Variants in RFC3 observed in about 807,000 individuals in gnomAD.
RFC3 encodes the protein replication factor C subunit 3.
A neutral mutation model predicts 45.1 loss-of-function variants in RFC3; 41 were observed. That is an observed-to-expected ratio of 0.91 (90% confidence interval 0.71 to 1.18). RFC3 has a LOEUF of 1.18. Ranked by LOEUF, RFC3 falls within the 50% of genes most tolerant of loss-of-function variation. RFC3 has a pLI of 0.00. For synonymous variants in RFC3, 149 were observed against 144.0 expected (o/e 1.03, Z -0.25); for missense variants, 423 against 428.1 (o/e 0.99, Z 0.10).
chr13:33,843,955 TCTC>T (rs990063790), intron 8 of RFC3, among the ~76,000 whole-genome samples: 4 of 152,216 alleles, frequency 2.6e-5, no homozygotes, highest in African/African-American at 9.6e-5. Context: ...CAACCTATAT[TCTC>T]CTAATACGGT....
chr13:33,885,928 T>G (rs1252377716), intron 8 of RFC3, among the ~76,000 whole-genome samples: 25 of 152,110 alleles, frequency 1.6e-4, no homozygotes, highest in Admixed American at 1.6e-3. Flanking sequence ...CATTCTCTCT[T>G]GCAACTAGTG....
chr13:33,943,572 A>T (rs1010406841), intron 8 of RFC3, among the ~76,000 whole-genome samples: 2 of 152,180 alleles, frequency 1.3e-5, no homozygotes, highest in African/African-American at 4.8e-5. Flanking sequence ...TATTGTGTGC[A>T]TGTGTTCAAA....
intron 8 of RFC3, among the ~76,000 whole-genome samples, chr13:33,861,289 T>A (rs1360770073): frequency 6.6e-6 from 1 of 152,192 alleles, no homozygotes; most frequent in Admixed American, 6.5e-5. Flanking sequence ...TAAAGTGATC[T>A]CTCTATTTTA....
intron 1 of RFC3, among the ~76,000 whole-genome samples, chr13:33,819,122 C>A (rs1423081435): frequency 6.6e-6 from 1 of 152,042 alleles, no homozygotes; most frequent in Non-Finnish European, 1.5e-5. Flanking sequence ...GAACTCCTGA[C>A]CTCAGGTGAT....
At chr13:33,886,704 T>C (rs954964183) in intron 8 of RFC3, among the ~76,000 whole-genome samples, 22 of 150,440 alleles carry the variant, frequency 1.5e-4, no homozygotes, top group African/African-American at 5.1e-4. Context: ...TACATATGTA[T>C]ACATGTGCCA....
chr13:33,969,369 G>A (rs1313281043), downstream of RFC3, among the ~76,000 whole-genome samples: 1 of 152,158 alleles, frequency 6.6e-6, no homozygotes, highest in African/African-American at 2.4e-5. Context: ...TTTCACCAGC[G>A]ATTTTCCTAC....
intron 8 of RFC3, among the ~76,000 whole-genome samples, chr13:33,925,517 G>A (rs917711856): frequency 7.0e-6 from 1 of 142,084 alleles, no homozygotes; most frequent in South Asian, 2.2e-4. Context: ...CATACATAGT[G>A]TACTATATAC....
At chr13:33,825,665 CTTATAA>C in intron 3 of RFC3, 118 bp from the exon 4 acceptor site, 2 of 451,098 alleles carry the variant, frequency 4.4e-6, no homozygotes, top group Non-Finnish European at 7.7e-6. Flanking sequence ...TTTTGAAGGG[CTTATAA>C]TTATAGTTAA....
intron 8 of RFC3, among the ~76,000 whole-genome samples, chr13:33,883,338 A>C (rs2082498255): frequency 6.6e-6 from 1 of 152,170 alleles, no homozygotes; most frequent in Non-Finnish European, 1.5e-5. Flanking sequence ...AATTTTTGTT[A>C]GTTTGCTTTT....
chr13:33,899,117 C>CA (rs1197671404), intron 8 of RFC3, among the ~76,000 whole-genome samples: 2 of 132,186 alleles, frequency 1.5e-5, no homozygotes, highest in Admixed American at 8.7e-5. Context: ...CTAAACTCTT[C>CA]AAAAAAATTG....
chr13:33,889,128 T>A (rs1004758909), intron 8 of RFC3, among the ~76,000 whole-genome samples: 13 of 152,232 alleles, frequency 8.5e-5, no homozygotes, highest in Non-Finnish European at 7.3e-5. Context: ...TATCTGCAGC[T>A]GAAAGACGAG....
chr13:33,906,341 C>G (rs1457519226), intron 8 of RFC3, among the ~76,000 whole-genome samples: 1 of 152,076 alleles, frequency 6.6e-6, no homozygotes, highest in African/African-American at 2.4e-5. Flanking sequence ...ATTGTGTCCA[C>G]TGACCTTCAA....
At chr13:33,957,251 T>G (rs2083027561) in intron 8 of RFC3, among the ~76,000 whole-genome samples, 1 of 152,218 alleles carries the variant, frequency 6.6e-6, no homozygotes, top group African/African-American at 2.4e-5. Flanking sequence ...GTAATTTATT[T>G]GCGTCAATTT....
chr13:33,974,001 C>G, the RFC3 span, among the ~76,000 whole-genome samples: 8 of 152,084 alleles, frequency 5.3e-5, no homozygotes, highest in African/African-American at 1.7e-4. Flanking sequence ...GTATTTTGTT[C>G]TTTCCCATAG....
At chr13:33,886,196 C>T (rs572430052) in intron 8 of RFC3, among the ~76,000 whole-genome samples, 3 of 152,166 alleles carry the variant, frequency 2.0e-5, no homozygotes, top group South Asian at 2.1e-4. Context: ...GAAAAAGCCG[C>T]GTAGACATAG....
At chr13:33,882,372 C>G (rs963511131) in intron 8 of RFC3, among the ~76,000 whole-genome samples, 1 of 152,194 alleles carries the variant, frequency 6.6e-6, no homozygotes, top group Non-Finnish European at 1.5e-5. Context: ...CTGCTATGGA[C>G]TGAATGTTTG....
At chr13:33,977,228 CA>C in the RFC3 span, among the ~76,000 whole-genome samples, 1 of 152,076 alleles carries the variant, frequency 6.6e-6, no homozygotes, top group South Asian at 2.1e-4. Context: ...AATAATAATG[CA>C]TAGTCTTGGT....
intron 8 of RFC3, chr13:33,847,024 C>T (rs942468920): frequency 6.6e-6 from 1 of 152,300 alleles, no homozygotes; most frequent in African/African-American, 2.4e-5. Context: ...ACCTCCCTCT[C>T]CCGAGTAGCT....
intron 8 of RFC3, among the ~76,000 whole-genome samples, chr13:33,835,837 G>T (rs1593622547): frequency 1.3e-5 from 2 of 152,234 alleles, no homozygotes; most frequent in African/African-American, 4.8e-5. Context: ...GCTGCAGAAA[G>T]CATCCTTACA....
Sources: allele counts gnomAD v4.1 joint callset (sites outside exome capture counted in the v4.1 genomes callset), GRCh38; gene constraint gnomAD v4.1.1; transcripts MANE v1.5; gene names NCBI Gene and HGNC (gene_info 2026-07-23, HGNC 2026-07-21).